SYNDIG1: variants seen among roughly 807,000 people sequenced by gnomAD.
The protein encoded by SYNDIG1 is synapse differentiation inducing 1.
SYNDIG1 carries 9 observed loss-of-function variants against 19.4 expected under a neutral mutation model. That is an observed-to-expected ratio of 0.46 (90% CI 0.28 to 0.81). SYNDIG1 has a LOEUF of 0.81. Ranked by LOEUF, SYNDIG1 falls within the 30% of genes least tolerant of loss-of-function variation. The pLI is 0.12. For synonymous variants in SYNDIG1, 141 were observed against 145.9 expected, an observed-to-expected ratio of 0.97 and a Z score of 0.24; for missense variants, 311 against 343.3, an observed-to-expected ratio of 0.91 and a Z score of 0.74.
intron 2 of SYNDIG1, among the ~76,000 whole-genome samples, chr20:24,578,899 C>T (rs117338415): frequency 0.036 from 5,500 of 152,280 alleles, 236 homozygotes; most frequent in Non-Finnish European, 0.049. Flanking sequence ...TCATAAAGGC[C>T]ACGAGCTCCC....
chr20:24,631,259 G>A (rs943895506), intron 3 of SYNDIG1, among the ~76,000 whole-genome samples: 1 of 152,210 alleles, frequency 6.6e-6, no homozygotes, highest in African/African-American at 2.4e-5. Context: ...GTTGGAAACC[G>A]TGGCCTGGCA....
intron 1 of SYNDIG1, among the ~76,000 whole-genome samples, chr20:24,481,525 T>TC (rs1423336628): frequency 1.3e-5 from 2 of 152,204 alleles, no homozygotes; most frequent in African/African-American, 2.4e-5. Flanking sequence ...CTGAACCGTC[T>TC]CCACAGCCAC....
At chr20:24,660,243 A>G (rs2059570899) in intron 3 of SYNDIG1, among the ~76,000 whole-genome samples, 1 of 152,350 alleles carries the variant, frequency 6.6e-6, no homozygotes, top group East Asian at 1.9e-4. Context: ...TATTTACACA[A>G]ATAAATGTCC....
intron 2 of SYNDIG1, among the ~76,000 whole-genome samples, chr20:24,563,292 A>G (rs2057980078): frequency 1.3e-5 from 2 of 152,244 alleles, no homozygotes; most frequent in Non-Finnish European, 2.9e-5. Flanking sequence ...CAATTATCCC[A>G]TAGAACTGAT....
At chr20:24,532,748 G>A (rs960870832) in intron 1 of SYNDIG1, among the ~76,000 whole-genome samples, 4 of 152,200 alleles carry the variant, frequency 2.6e-5, no homozygotes, top group Non-Finnish European at 5.9e-5. Context: ...GAGCTGTTTC[G>A]CCAGCTTTCC....
intron 3 of SYNDIG1, among the ~76,000 whole-genome samples, chr20:24,600,961 T>G (rs983388981): frequency 6.6e-6 from 1 of 152,234 alleles, no homozygotes; most frequent in Admixed American, 6.5e-5. Flanking sequence ...ACATTGCATC[T>G]GAATGGCACT....
chr20:24,665,599 T>G lies in SYNDIG1; in HGVS notation c.*95T>G. On this transcript the variant is annotated 3_prime_UTR_variant, in exon 4 of 4. Transcript: ENST00000376862. ...CATGATGCTGTACAGTACAAATGAT[T>G]GCCAAATGATGCCACGAAGCCCTGG... The G allele has an allele frequency of 1.3e-6, 2 of 1,495,764 alleles. No homozygotes were observed. The highest frequency in any genetic ancestry group is 1.8e-6 in the Non-Finnish European group (2 of 1,111,270). 92.7% of individuals were successfully genotyped at this position (1,495,764 alleles called of 1,614,324 possible). A position where few individuals can be genotyped will look rare whatever the true frequency, so the allele number is the denominator to read the frequency against.
intron 1 of SYNDIG1, among the ~76,000 whole-genome samples, chr20:24,523,662 A>C (rs2057054826): frequency 6.6e-6 from 1 of 152,062 alleles, no homozygotes; most frequent in African/African-American, 2.4e-5. Flanking sequence ...ATGACGGGAA[A>C]TTTTGTTTTG....
In SYNDIG1 at chr20:24,549,054, AT is replaced by A. The variant is rs1413377963; in HGVS notation, c.480+5479del. Among the ~76,000 whole-genome samples, 4 of 152,252 alleles carry A rather than the reference AT, an allele frequency of 2.6e-5. No homozygotes were observed. The East Asian group carries it at 5.8e-4, about 22-fold the overall frequency. On this transcript the variant is annotated intron_variant, in intron 2 of 3. Coordinates refer to ENST00000376862, the MANE Select transcript of SYNDIG1 (RefSeq NM_024893.3). ...ATATTCATTATCTCAAACTTTGATC[AT>A]TGCTTTGTGTTGGGAGCATTCAATA...
chr20:24,503,393 T>C (rs1421264456), intron 1 of SYNDIG1, among the ~76,000 whole-genome samples: 1 of 152,032 alleles, frequency 6.6e-6, no homozygotes, highest in Non-Finnish European at 1.5e-5. Flanking sequence ...CTCAAATATA[T>C]TTTGGTGTCT....
At chr20:24,645,701 G>C (rs1371741672) in intron 3 of SYNDIG1, among the ~76,000 whole-genome samples, 2 of 152,264 alleles carry the variant, frequency 1.3e-5, no homozygotes, top group Non-Finnish European at 2.9e-5. Flanking sequence ...CCTGGGCTGA[G>C]AGAGGCGGAG....
chr20:24,494,836 C>T (rs1378076737), intron 1 of SYNDIG1, among the ~76,000 whole-genome samples: 2 of 152,180 alleles, frequency 1.3e-5, no homozygotes, highest in African/African-American at 4.8e-5. Flanking sequence ...CCTTCTTCCC[C>T]TCTGAGGGAG....
At chr20:24,490,801 G>T (rs1026807473) in intron 1 of SYNDIG1, among the ~76,000 whole-genome samples, 1 of 152,176 alleles carries the variant, frequency 6.6e-6, no homozygotes, top group African/African-American at 2.4e-5. Context: ...ACCTGGAAGC[G>T]CCAGGCTCCA....
At chr20:24,509,574 C>T (rs1201831930) in intron 1 of SYNDIG1, among the ~76,000 whole-genome samples, 2 of 151,972 alleles carry the variant, frequency 1.3e-5, no homozygotes, top group Non-Finnish European at 2.9e-5. Context: ...ACTTACTTTC[C>T]ACCTTGCATC....
At chr20:24,635,215 C>G (rs1185120774) in intron 3 of SYNDIG1, among the ~76,000 whole-genome samples, 1 of 152,152 alleles carries the variant, frequency 6.6e-6, no homozygotes, top group Non-Finnish European at 1.5e-5. Flanking sequence ...CATGAACACA[C>G]GAAGAATTGG....
In SYNDIG1 at chr20:24,550,757, G is replaced by A. The variant is rs572175186; in HGVS notation, c.480+7180G>A. On this transcript the variant is annotated intron_variant, in intron 2 of 3. Transcript: ENST00000376862. ...GATCTCCTGACCTCGTGATCTGCCC[G>A]CCTCGGCCTCCCAAAGTGCTGGGAT... 9.9e-5 allele frequency among the ~76,000 whole-genome samples: 15 copies of A among 152,162 alleles called. No homozygotes were observed. The South Asian group carries it at 1.2e-3, about 13-fold the overall frequency.
chr20:24,599,159 C>T (rs1376869472), intron 3 of SYNDIG1, among the ~76,000 whole-genome samples: 1 of 151,912 alleles, frequency 6.6e-6, no homozygotes, highest in African/African-American at 2.4e-5. Context: ...ACACATAATC[C>T]CATTAAAAAG....
intron 2 of SYNDIG1, among the ~76,000 whole-genome samples, chr20:24,546,211 A>G (rs961507010): frequency 6.6e-6 from 1 of 152,240 alleles, no homozygotes; most frequent in African/African-American, 2.4e-5. Context: ...TTCGGTAATT[A>G]ACAAAATACT....
chr20:24,529,523 T>C (rs1259197292), intron 1 of SYNDIG1, among the ~76,000 whole-genome samples: 2 of 152,224 alleles, frequency 1.3e-5, no homozygotes, highest in Admixed American at 6.5e-5. Flanking sequence ...TGTGCATGAA[T>C]GGTTGTGGGT....
Sources: allele counts gnomAD v4.1 joint callset (sites outside exome capture counted in the v4.1 genomes callset), GRCh38; gene constraint gnomAD v4.1.1; transcripts MANE v1.5; gene names NCBI Gene and HGNC (gene_info 2026-07-23, HGNC 2026-07-21).